Variants in PRKD1 observed in about 807,000 individuals in gnomAD.
The protein encoded by PRKD1 is protein kinase D1, also known as serine/threonine-protein kinase D1.
In PRKD1, 63 loss-of-function variants were observed where a neutral mutation model predicts 95.9. The ratio of observed to expected loss-of-function variants is 0.66; its 90% CI spans 0.54 to 0.81. PRKD1 has a LOEUF of 0.81. PRKD1 is among the 30% of genes least tolerant of loss of function. The pLI is 0.00. For missense variants in PRKD1, 1,048 were observed against 1,165.3 expected (o/e 0.90, Z 1.47); for synonymous variants, 425 against 423.1 (o/e 1.00, Z -0.05).
chr14:29,785,261 T>A (rs1025330619), intron 1 of PRKD1, among the ~76,000 whole-genome samples: 1 of 152,222 alleles, frequency 6.6e-6, no homozygotes, highest in Non-Finnish European at 1.5e-5. Context: ...TTAGCCTTTC[T>A]GGTGGTCTTT....
chr14:29,786,876 G>T (rs1847692639), intron 1 of PRKD1, among the ~76,000 whole-genome samples: 1 of 151,106 alleles, frequency 6.6e-6, no homozygotes, highest in African/African-American at 2.4e-5. Flanking sequence ...ACTAATTTTG[G>T]ATTTGTTTTT....
At chr14:29,900,978 TC>T (rs1894299077) in intron 1 of PRKD1, among the ~76,000 whole-genome samples, 1 of 152,178 alleles carries the variant, frequency 6.6e-6, no homozygotes, top group Non-Finnish European at 1.5e-5. Flanking sequence ...CCAGCAATCC[TC>T]CTACTGGGTA....
chr14:29,792,219 T>A (rs1040616864), intron 1 of PRKD1, among the ~76,000 whole-genome samples: 4 of 152,242 alleles, frequency 2.6e-5, no homozygotes, highest in Non-Finnish European at 5.9e-5. Context: ...AATTATTATG[T>A]TAGCTAATAT....
rs765821685 is a variant in PRKD1 at position 29,638,838 on chromosome 14, G to A, written c.763C>T (p.Arg255Ter). The change falls in exon 5 of 18, where the codon CGA becomes TGA. Residue 255 changes from arginine (R) to a stop codon, truncating the protein, a stop_gained. Coordinates refer to ENST00000331968, the MANE Select transcript of PRKD1 (RefSeq NM_002742.3). LOFTEE classifies it high-confidence loss of function. ...KRSNSQSYIG[R>*]PIHLDKILMS... ...AAAATCTTGTCAAGGTGAATTGGTC[G>A]TCCAATGTATGATTGAGAATTTGAC... 8 of 1,581,258 alleles carry A rather than the reference G, an allele frequency of 5.1e-6. No homozygotes were observed. The highest frequency in any genetic ancestry group is 1.1e-5 in the South Asian group (1 of 90,578).
At chr14:29,581,296 T>C (rs1892746971) in intron 16 of PRKD1, among the ~76,000 whole-genome samples, 1 of 152,134 alleles carries the variant, frequency 6.6e-6, no homozygotes, top group African/African-American at 2.4e-5. Flanking sequence ...TGACCAACAT[T>C]TTCCTCACTA....
chr14:29,852,653 G>C (rs1892352631), intron 1 of PRKD1, among the ~76,000 whole-genome samples: 1 of 152,024 alleles, frequency 6.6e-6, no homozygotes. Flanking sequence ...AAAGGATTGG[G>C]AACAAAGCTG....
At position 29,650,791 on chromosome 14, in the gene PRKD1, C is replaced by T. The variant is rs563015130; in HGVS notation, c.697-11887G>A. The stretch of plus-strand genomic sequence containing the variant: ...GGAAAAACATGTCCTGTAACTTACG[C>T]TTATCTATTTTGTGACCTTGCAGCT... On this transcript the variant is annotated intron_variant, in intron 4 of 17. Coordinates refer to ENST00000331968, the MANE Select transcript of PRKD1 (RefSeq NM_002742.3). Among the ~76,000 whole-genome samples, 10 of 152,304 alleles carry T rather than the reference C, an allele frequency of 6.6e-5. No individual in the cohort carries two copies. The South Asian group carries it at 1.5e-3, about 22-fold the overall frequency.
intron 2 of PRKD1, among the ~76,000 whole-genome samples, chr14:29,724,614 T>A (rs1028193558): frequency 6.6e-5 from 10 of 152,208 alleles, no homozygotes; most frequent in African/African-American, 2.4e-4. Flanking sequence ...AAAACAAAGA[T>A]AAATTGAATT....
intron 1 of PRKD1, among the ~76,000 whole-genome samples, chr14:29,832,268 G>A (rs1310219792): frequency 6.6e-6 from 1 of 151,976 alleles, no homozygotes; most frequent in Non-Finnish European, 1.5e-5. Context: ...TCTGTTGGTG[G>A]GTATATGAAA....
rs1386944625 is a variant in PRKD1 at position 29,638,850 on chromosome 14, A to G, written c.751T>C (p.Ser251Pro). Residue 251 changes from serine to proline, a missense_variant, in exon 5 of 18, where the codon TCA becomes CCA. Ser to Pro is a moderately conservative substitution (Grantham distance 74). Around this residue, in one of 3 missense-constraint regions of PRKD1, gnomAD observed 739 missense variants for 861.9 expected, o/e 0.86. Transcript: ENST00000331968. ...IGREKRSNSQSYIGRPIHLDK... is the reference protein window; with the variant it reads ...IGREKRSNSQPYIGRPIHLDK... ...AGGTGAATTGGTCGTCCAATGTATG[A>G]TTGAGAATTTGACCTCTTCTCTCGA... The G allele has an allele frequency of 6.1e-5, 86 of 1,402,784 alleles. No individual in the cohort carries two copies. In the Admixed American group the frequency reaches 1.6e-3, roughly 26 times the overall value. The allele number at this position is 1,402,784 out of a possible 1,614,324, so 86.9% of individuals were successfully genotyped here.
intron 2 of PRKD1, among the ~76,000 whole-genome samples, chr14:29,685,829 AC>A (rs972281288): frequency 1.1e-4 from 16 of 152,160 alleles, no homozygotes; most frequent in African/African-American, 2.9e-4. Context: ...TAGGAAAAAA[AC>A]ATTTCTATTT....
At chr14:29,730,496 A>C (rs1430900781) in intron 1 of PRKD1, among the ~76,000 whole-genome samples, 1 of 152,198 alleles carries the variant, frequency 6.6e-6, no homozygotes, top group Non-Finnish European at 1.5e-5. Flanking sequence ...CATATGATCC[A>C]GCAATCTGAC....
chr14:29,895,819 C>G (rs1355124626), intron 1 of PRKD1, among the ~76,000 whole-genome samples: 1 of 152,200 alleles, frequency 6.6e-6, no homozygotes, highest in African/African-American at 2.4e-5. Flanking sequence ...CTCAAGGAAG[C>G]CAGCCCTGAC....
intron 1 of PRKD1, among the ~76,000 whole-genome samples, chr14:29,755,271 A>C (rs1887645989): frequency 6.6e-6 from 1 of 152,092 alleles, no homozygotes; most frequent in African/African-American, 2.4e-5. Context: ...CTTTTTTAAA[A>C]GTGTTTTCCC....
chr14:29,927,253 T>C lies in PRKD1; in HGVS notation c.260A>G (p.Gln87Arg). The change falls in exon 1 of 18, where the codon CAG becomes CGG. Residue 87 changes from glutamine (Q) to arginine (R), a missense_variant. Physicochemically the swap from Gln to Arg is conservative, Grantham distance 43 (BLOSUM62 1). Transcript: ENST00000331968. ...GGCAGCGGTGCGGCGACTTACCTTC[T>C]GGTCGACAATGGAGCAAGCCATCTC... ...VREMACSIVD[Q>R]KFPECGFYGM... 2 of 1,503,694 alleles carry C rather than the reference T, an allele frequency of 1.3e-6. No homozygotes were observed. The highest frequency in any genetic ancestry group is 8.9e-7 in the Non-Finnish European group (1 of 1,126,732). 93.1% of individuals were successfully genotyped at this position (1,503,694 alleles called of 1,614,324 possible).
rs548279387 is a variant in PRKD1, at chr14:29,709,985, T to TCA, written c.403+15549_403+15550dup. 1.5e-3 allele frequency among the ~76,000 whole-genome samples: 225 copies of TCA among 152,322 alleles called. 1 individual carries two copies. The highest frequency in any genetic ancestry group is 4.9e-3 in the African/African-American group (202 of 41,582). On this transcript the variant is annotated intron_variant, in intron 2 of 17. Coordinates refer to ENST00000331968, the MANE Select transcript of PRKD1 (RefSeq NM_002742.3). Reference sequence around the variant, plus strand: ...TGGTTATACTGATATTCACTAGTGTTCAATTACTTCTTCACACAGTGTGTG... The same window carrying TCA: ...TGGTTATACTGATATTCACTAGTGTTCACAATTACTTCTTCACACAGTGTGTG...
At position 29,826,734 on chromosome 14, in the gene PRKD1, C is replaced by CACATAT. The variant is rs1566622576; in HGVS notation, c.264+100514_264+100515insATATGT. Among the ~76,000 whole-genome samples, 32 of 62,342 alleles carry CACATAT rather than the reference C, an allele frequency of 5.1e-4. 1 individual carries two copies. The highest frequency in any genetic ancestry group is 8.5e-4 in the Non-Finnish European group (28 of 32,798). The allele number at this position is 62,342 out of a possible 152,430, so 40.9% of individuals were successfully genotyped here. ...ACATATATATATACATATATATACA[C>CACATAT]ATATATATACACATATATATATACA... On this transcript the variant is annotated intron_variant, in intron 1 of 17. Transcript: ENST00000331968.
chr14:29,761,325 G>A (rs1887970014), intron 1 of PRKD1, among the ~76,000 whole-genome samples: 1 of 152,180 alleles, frequency 6.6e-6, no homozygotes, highest in Non-Finnish European at 1.5e-5. Context: ...AAAGTCCTGA[G>A]TTCAATGCCC....
At chr14:29,656,527 A>G in intron 4 of PRKD1, 1 of 1,534,588 alleles carries the variant, frequency 6.5e-7, no homozygotes, top group South Asian at 1.2e-5. Flanking sequence ...AAGAGCAAAA[A>G]GCAGGCAAAG....
Sources: gnomAD v4.1 joint callset for allele counts (sites outside exome capture counted in the v4.1 genomes callset) on GRCh38, gnomAD v4.1.1 for gene constraint, gnomAD v4.1.1 regional missense constraint, MANE v1.5 for transcripts, NCBI Gene and HGNC (gene_info 2026-07-23, HGNC 2026-07-21) for gene names.